PRKD1: variants seen among roughly 807,000 people sequenced by gnomAD.
PRKD1 encodes serine/threonine-protein kinase D1.
A neutral mutation model predicts 95.9 loss-of-function variants in PRKD1; 63 were observed. The ratio of observed to expected loss-of-function variants is 0.66; its 90% CI spans 0.54 to 0.81. PRKD1 has a LOEUF of 0.81. Ranked by LOEUF, PRKD1 falls within the 30% of genes least tolerant of loss-of-function variation. PRKD1 has a pLI of 0.00. For synonymous variants in PRKD1, 425 were observed against 423.1 expected (o/e 1.00, Z -0.05); for missense variants, 1,048 against 1,165.3 (o/e 0.90, Z 1.47).
chr14:29,666,819 G>A (rs1882542344), intron 2 of PRKD1, among the ~76,000 whole-genome samples: 1 of 152,046 alleles, frequency 6.6e-6, no homozygotes, highest in Non-Finnish European at 1.5e-5. Context: ...GCCAAAGAGA[G>A]GGATTTAATA....
intron 2 of PRKD1, among the ~76,000 whole-genome samples, chr14:29,676,183 G>GTTTTTTTTTTTTTTTTT (rs34953735): frequency 1.3e-4 from 9 of 67,444 alleles, no homozygotes; most frequent in South Asian, 5.3e-4. Flanking sequence ...TTACGTTTTT[G>GTTTTTTTTTTTTTTTTT]TTTTTTTTTT....
chr14:29,633,412 G>A (rs1439770976), intron 8 of PRKD1, among the ~76,000 whole-genome samples: 3 of 152,180 alleles, frequency 2.0e-5, no homozygotes, highest in African/African-American at 7.2e-5. Flanking sequence ...GGAAAATTCT[G>A]AATGTTAGAG....
chr14:29,579,429 G>A (rs1892681033), intron 16 of PRKD1, among the ~76,000 whole-genome samples: 1 of 152,028 alleles, frequency 6.6e-6, no homozygotes, highest in South Asian at 2.1e-4. Context: ...CTGAAAGATG[G>A]CTCTTCCTAC....
intron 1 of PRKD1, among the ~76,000 whole-genome samples, chr14:29,839,407 T>A (rs1157580679): frequency 6.6e-6 from 1 of 152,164 alleles, no homozygotes; most frequent in African/African-American, 2.4e-5. Context: ...AAGCAATGGC[T>A]ACCAAGAAGT....
chr14:29,630,339 C>T (rs907924062), intron 10 of PRKD1, among the ~76,000 whole-genome samples: 1 of 151,960 alleles, frequency 6.6e-6, no homozygotes, highest in Non-Finnish European at 1.5e-5. Flanking sequence ...AGGGTTTCCC[C>T]ATGTTGCCCA....
intron 1 of PRKD1, among the ~76,000 whole-genome samples, chr14:29,848,713 C>A (rs1198902448): frequency 6.6e-6 from 1 of 152,088 alleles, no homozygotes; most frequent in African/African-American, 2.4e-5. Context: ...TATAATCCAT[C>A]CAAACAAAAA....
At chr14:29,858,849 GA>G (rs144245240) in intron 1 of PRKD1, among the ~76,000 whole-genome samples, 5,489 of 152,010 alleles carry the variant, frequency 0.036, 316 homozygotes, top group African/African-American at 0.12. Context: ...CTGCTATTTA[GA>G]AAAAATGCTG....
At chr14:29,810,839 T>C (rs1890452739) in intron 1 of PRKD1, among the ~76,000 whole-genome samples, 1 of 152,238 alleles carries the variant, frequency 6.6e-6, no homozygotes, top group Non-Finnish European at 1.5e-5. Context: ...TTGGAACTGG[T>C]TATTGCCAGC....
chr14:29,631,123 C>T (rs1309939948), intron 9 of PRKD1, 102 bp from the exon 10 acceptor site: 2 of 1,117,240 alleles, frequency 1.8e-6, no homozygotes, highest in African/African-American at 3.2e-5. Flanking sequence ...CACAAATAGC[C>T]ACCATTTAAA....
At chr14:29,697,254 A>C (rs1884576144) in intron 2 of PRKD1, among the ~76,000 whole-genome samples, 1 of 152,090 alleles carries the variant, frequency 6.6e-6, no homozygotes, top group Non-Finnish European at 1.5e-5. Flanking sequence ...ATGTAATTTA[A>C]ATTCATGGTG....
At chr14:29,787,096 T>C (rs1239779238) in intron 1 of PRKD1, among the ~76,000 whole-genome samples, 1 of 152,052 alleles carries the variant, frequency 6.6e-6, no homozygotes, top group Non-Finnish European at 1.5e-5. Flanking sequence ...TCACTGGTCA[T>C]ATAGGAGAGT....
chr14:29,677,746 G>A (rs955645222), intron 2 of PRKD1, among the ~76,000 whole-genome samples: 3 of 152,128 alleles, frequency 2.0e-5, no homozygotes, highest in Non-Finnish European at 4.4e-5. Context: ...AGCTAATTTA[G>A]TAGAGATGGG....
chr14:29,686,178 A>C (rs955950423), intron 2 of PRKD1, among the ~76,000 whole-genome samples: 1 of 152,070 alleles, frequency 6.6e-6, no homozygotes, highest in Admixed American at 6.5e-5. Context: ...TCCTCTTTTT[A>C]ATTTGAATCA....
intron 1 of PRKD1, among the ~76,000 whole-genome samples, chr14:29,773,601 T>TA (rs1231179878): frequency 6.6e-6 from 1 of 152,224 alleles, no homozygotes; most frequent in Non-Finnish European, 1.5e-5. Flanking sequence ...ATCTGTTTGT[T>TA]GATTCCTTTT....
chr14:29,599,867 T>C, intron 13 of PRKD1, 50 bp from the exon 14 acceptor site: 1 of 1,531,478 alleles, frequency 6.5e-7, no homozygotes, highest in Non-Finnish European at 8.8e-7. Flanking sequence ...TTTGATACTG[T>C]TTGGCAAGCT....
At chr14:29,878,458 C>T (rs1893386036) in intron 1 of PRKD1, among the ~76,000 whole-genome samples, 1 of 150,488 alleles carries the variant, frequency 6.6e-6, no homozygotes, top group Non-Finnish European at 1.5e-5. Flanking sequence ...ACTTGTACAA[C>T]AATGTTCACA....
intron 2 of PRKD1, among the ~76,000 whole-genome samples, chr14:29,685,670 A>G (rs895125293): frequency 2.6e-5 from 4 of 152,174 alleles, no homozygotes; most frequent in Admixed American, 6.5e-5. Context: ...CTTTGGTTTA[A>G]TATTTTAGAA....
chr14:29,591,139 G>A (rs541719364), intron 16 of PRKD1: 6 of 152,126 alleles, frequency 3.9e-5, no homozygotes, highest in African/African-American at 9.6e-5. Context: ...TATTATACAC[G>A]ACTTTGTTAT....
intron 1 of PRKD1, among the ~76,000 whole-genome samples, chr14:29,776,082 G>T (rs1888739000): frequency 6.6e-6 from 1 of 152,282 alleles, no homozygotes; most frequent in South Asian, 2.1e-4. Context: ...GCAGCTGAGG[G>T]TCCTGACTGT....
Sources: allele counts gnomAD v4.1 joint callset (sites outside exome capture counted in the v4.1 genomes callset), GRCh38; gene constraint gnomAD v4.1.1; transcripts MANE v1.5; gene names NCBI Gene and HGNC (gene_info 2026-07-23, HGNC 2026-07-21).